The following FOXP2 variants were observed in gnomAD, a reference collection of about 807,000 sequenced individuals.
FOXP2 encodes the protein forkhead box P2, also known as forkhead box protein P2.
In FOXP2, 12 loss-of-function variants were observed where a neutral mutation model predicts 115.8. The observed-to-expected ratio is 0.10, with a 90% confidence interval of 0.07 to 0.17. FOXP2 has a LOEUF of 0.17. FOXP2 is among the 10% of genes least tolerant of loss of function. The pLI, the probability that FOXP2 is intolerant of heterozygous loss-of-function variation, is 1.00. For missense variants in FOXP2, 629 were observed against 843.5 expected (o/e 0.75, Z 3.15); for synonymous variants, 328 against 297.7 (o/e 1.10, Z -1.05).
At chr7:114,429,588 TC>T (rs1794015892) in intron 2 of FOXP2, among the ~76,000 whole-genome samples, 1 of 151,540 alleles carries the variant, frequency 6.6e-6, no homozygotes, top group Non-Finnish European at 1.5e-5. Context: ...ATTGTTTGTG[TC>T]ACTAAGGTCA....
intron 2 of FOXP2, among the ~76,000 whole-genome samples, chr7:114,483,253 C>T (rs2189008): frequency 0.45 from 68,481 of 151,178 alleles, 15,643 homozygotes; most frequent in Admixed American, 0.51. Flanking sequence ...TTCACTTGCA[C>T]TGCCACACCC....
intron 2 of FOXP2, among the ~76,000 whole-genome samples, chr7:114,491,807 G>T (rs2129244372): frequency 6.6e-6 from 1 of 152,232 alleles, no homozygotes; most frequent in Middle Eastern, 3.4e-3. Flanking sequence ...GCTGGATTCG[G>T]TTTGCCAGTA....
chr7:114,100,170 T>C (rs1799746144), intron 1 of FOXP2, among the ~76,000 whole-genome samples: 1 of 152,244 alleles, frequency 6.6e-6, no homozygotes, highest in South Asian at 2.1e-4. Flanking sequence ...TTTTTAGCTC[T>C]GTGCTTTGTA....
chr7:114,151,604 C>A (rs1367612375), intron 1 of FOXP2, among the ~76,000 whole-genome samples: 1 of 151,880 alleles, frequency 6.6e-6, no homozygotes, highest in African/African-American at 2.4e-5. Flanking sequence ...GTGCCATGTT[C>A]TTTTATTTAT....
intron 3 of FOXP2, among the ~76,000 whole-genome samples, chr7:114,563,261 A>G (rs909464080): frequency 6.6e-6 from 1 of 152,204 alleles, no homozygotes; most frequent in African/African-American, 2.4e-5. Flanking sequence ...AAATAGTTCT[A>G]TTGAATATGA....
At chr7:114,449,506 T>C (rs1208875338) in intron 2 of FOXP2, among the ~76,000 whole-genome samples, 1 of 152,010 alleles carries the variant, frequency 6.6e-6, no homozygotes, top group African/African-American at 2.4e-5. Context: ...AGTAGATGAG[T>C]TTTGGTCCTA....
chr7:114,628,790 A>G lies in FOXP2; in HGVS notation c.396+113A>G, dbSNP rs1804734088. The G allele has an allele frequency of 5.5e-6, 7 of 1,267,344 alleles. No individual in the cohort carries two copies. The Admixed American group carries it at 1.2e-4, about 22-fold the overall frequency. 78.5% of individuals were successfully genotyped at this position (1,267,344 alleles called of 1,614,324 possible). On this transcript the variant is annotated intron_variant, in intron 4 of 16. Coordinates refer to ENST00000350908, the MANE Select transcript of FOXP2 (RefSeq NM_014491.4). ...CAGTCTCCATTTGAAAGGACAACCT[A>G]TTAGCGTGCTAGAACATAAATGTAA... is the stretch of plus-strand genomic sequence containing the variant.
At chr7:114,651,041 A>T (rs1806221992) in intron 8 of FOXP2, among the ~76,000 whole-genome samples, 1 of 152,062 alleles carries the variant, frequency 6.6e-6, no homozygotes, top group Admixed American at 6.6e-5. Flanking sequence ...TATGTGTCTT[A>T]TATTTTTTCT....
intron 2 of FOXP2, among the ~76,000 whole-genome samples, chr7:114,380,869 A>G (rs1396982683): frequency 6.6e-6 from 1 of 152,240 alleles, no homozygotes; most frequent in East Asian, 1.9e-4. Flanking sequence ...TTACTCAGGT[A>G]TGCCATGGGT....
chr7:114,446,207 C>T (rs1794830048), intron 2 of FOXP2, among the ~76,000 whole-genome samples: 1 of 151,946 alleles, frequency 6.6e-6, no homozygotes, highest in Non-Finnish European at 1.5e-5. Context: ...AATTACAATT[C>T]TAAAGTCCCT....
chr7:114,659,604 A>G lies in FOXP2; in HGVS notation c.1578A>G (p.Thr526=), dbSNP rs1269029683. Residue 526 remains threonine, a synonymous_variant, in exon 13 of 17, where the codon ACA becomes ACG. Transcript: ENST00000350908. ...AIMESSDRQL[T]LNEIYSWFTR... is the part of the protein sequence containing the mutation. ...TGGAGTCATCTGACAGGCAGTTAAC[A>G]CTTAATGAAATTTACAGCTGGTTTA... is the stretch of plus-strand genomic sequence containing the variant. 3.1e-6 allele frequency: 5 copies of G among 1,613,734 alleles called. No individual in the cohort carries two copies. The South Asian group carries it at 5.5e-5, about 18-fold the overall frequency.
intron 2 of FOXP2, among the ~76,000 whole-genome samples, chr7:114,291,988 A>ATGTATTATAGATGATATATAGAATATG (rs1243489138): frequency 7.8e-6 from 1 of 128,906 alleles, no homozygotes; most frequent in African/African-American, 3.7e-5. Context: ...TATATAGAAT[A>ATGTATTATAGATGATATATAGAATATG]TATATTATAG....
intron 2 of FOXP2, among the ~76,000 whole-genome samples, chr7:114,525,452 G>A (rs1439933754): frequency 2.0e-5 from 3 of 152,074 alleles, no homozygotes; most frequent in Middle Eastern, 3.4e-3. Context: ...AGAAAATACC[G>A]ATATATTTAT....
chr7:114,116,751 A>G (rs1791418330), intron 1 of FOXP2, among the ~76,000 whole-genome samples: 1 of 152,134 alleles, frequency 6.6e-6, no homozygotes, highest in African/African-American at 2.4e-5. Flanking sequence ...ATGATTAAAC[A>G]TTAATGTGGA....
At chr7:114,501,985 A>G (rs1277298329) in intron 2 of FOXP2, among the ~76,000 whole-genome samples, 1 of 152,046 alleles carries the variant, frequency 6.6e-6, no homozygotes. Context: ...AATCTCCAAC[A>G]TATCTAATTG....
chr7:114,369,312 G>A (rs2129188975), intron 2 of FOXP2, among the ~76,000 whole-genome samples: 1 of 152,308 alleles, frequency 6.6e-6, no homozygotes, highest in East Asian at 1.9e-4. Flanking sequence ...AACAGGACAA[G>A]TAGTCAAGAA....
intron 2 of FOXP2, among the ~76,000 whole-genome samples, chr7:114,298,234 G>A (rs1188427809): frequency 6.6e-6 from 1 of 152,128 alleles, no homozygotes; most frequent in East Asian, 1.9e-4. Flanking sequence ...CAGAAGAGCT[G>A]CGTTTGTTAA....
intron 1 of FOXP2, among the ~76,000 whole-genome samples, chr7:114,157,305 T>C (rs1377576771): frequency 2.6e-5 from 4 of 152,150 alleles, no homozygotes; most frequent in African/African-American, 9.6e-5. Context: ...AGGGGAGCTG[T>C]AGAGAAAATG....
upstream of FOXP2, among the ~76,000 whole-genome samples, chr7:114,158,175 A>G (rs1792720230): frequency 6.6e-6 from 1 of 152,098 alleles, no homozygotes; most frequent in Non-Finnish European, 1.5e-5. Flanking sequence ...TTGTCAAAAT[A>G]TAAGTGTGTT....
Sources: allele counts gnomAD v4.1 joint callset (sites outside exome capture counted in the v4.1 genomes callset), GRCh38; gene constraint gnomAD v4.1.1; transcripts MANE v1.5; gene names NCBI Gene and HGNC (gene_info 2026-07-23, HGNC 2026-07-21).